Variants in HS3ST5 observed in about 807,000 individuals in gnomAD.
The protein encoded by HS3ST5 is heparan sulfate-glucosamine 3-sulfotransferase 5.
HS3ST5 carries 10 observed loss-of-function variants against 25.4 expected under a neutral mutation model. That is an observed-to-expected ratio of 0.39 (90% CI 0.24 to 0.67). The LOEUF (loss-of-function observed/expected upper bound fraction) is 0.67, where lower values mean the gene tolerates loss of function less well. Among genes scored for constraint, HS3ST5 ranks in the 30% least tolerant of loss-of-function variants. The pLI, the probability that HS3ST5 is intolerant of heterozygous loss-of-function variation, is 0.44. For missense variants in HS3ST5, 324 were observed against 420.7 expected (o/e 0.77, Z 2.01); for synonymous variants, 170 against 162.4 (o/e 1.05, Z -0.36).
At chr6:114,329,464 T>C (rs925048244) in intron 1 of HS3ST5, among the ~76,000 whole-genome samples, 6 of 152,190 alleles carry the variant, frequency 3.9e-5, no homozygotes, top group Admixed American at 1.3e-4. Context: ...GCATTGGGAC[T>C]GCCACAGAGG....
At chr6:114,177,384 A>G (rs1474290563) in intron 2 of HS3ST5, among the ~76,000 whole-genome samples, 1 of 152,210 alleles carries the variant, frequency 6.6e-6, no homozygotes, top group Non-Finnish European at 1.5e-5. Context: ...GTGTTCCTAA[A>G]GTCTTGACAT....
intron 1 of HS3ST5, among the ~76,000 whole-genome samples, chr6:114,229,112 A>G (rs1771448942): frequency 6.6e-6 from 1 of 152,174 alleles, no homozygotes; most frequent in Non-Finnish European, 1.5e-5. Flanking sequence ...TCTCTTGGAA[A>G]TATTTCTTTA....
intron 3 of HS3ST5, among the ~76,000 whole-genome samples, chr6:114,152,710 A>G (rs1027734826): frequency 1.3e-5 from 2 of 151,982 alleles, no homozygotes; most frequent in African/African-American, 4.8e-5. Context: ...GCCTGGACAC[A>G]TTTTCTCTTC....
intron 1 of HS3ST5, among the ~76,000 whole-genome samples, chr6:114,240,499 A>C (rs1414364739): frequency 2.0e-5 from 3 of 152,220 alleles, no homozygotes; most frequent in Admixed American, 1.3e-4. Flanking sequence ...TGGTGGAAAA[A>C]AAATATTATT....
intron 1 of HS3ST5, among the ~76,000 whole-genome samples, chr6:114,290,238 A>C (rs1774512467): frequency 6.6e-6 from 1 of 152,174 alleles, no homozygotes; most frequent in Non-Finnish European, 1.5e-5. Flanking sequence ...CACACTAAAC[A>C]CAGTATGAAT....
At chr6:114,070,855 T>C (rs1773778515) in intron 3 of HS3ST5, among the ~76,000 whole-genome samples, 1 of 152,250 alleles carries the variant, frequency 6.6e-6, no homozygotes, top group South Asian at 2.1e-4. Context: ...TGTGACTGCC[T>C]TAGTTCAGGC....
intron 1 of HS3ST5, among the ~76,000 whole-genome samples, chr6:114,279,959 G>A (rs6914825): frequency 0.03 from 4,519 of 152,018 alleles, 75 homozygotes; most frequent in Non-Finnish European, 0.046. Context: ...ATCAGAAATG[G>A]GCAGGTAATT....
chr6:114,313,087 C>T (rs1775604155), intron 1 of HS3ST5, among the ~76,000 whole-genome samples: 1 of 111,540 alleles, frequency 9.0e-6, no homozygotes, highest in African/African-American at 3.5e-5. Context: ...CCAATAAATG[C>T]ATGAAAACAT....
intron 1 of HS3ST5, among the ~76,000 whole-genome samples, chr6:114,289,908 A>G (rs543831699): frequency 3.3e-5 from 5 of 152,264 alleles, no homozygotes; most frequent in South Asian, 4.1e-4. Context: ...CAAATATCCA[A>G]TGGGTTATAT....
chr6:114,284,536 C>T (rs902187137), intron 1 of HS3ST5, among the ~76,000 whole-genome samples: 3 of 151,932 alleles, frequency 2.0e-5, no homozygotes, highest in African/African-American at 7.3e-5. Context: ...TGCATTGCCT[C>T]AACCACAACC....
intron 3 of HS3ST5, among the ~76,000 whole-genome samples, chr6:114,125,444 A>G (rs1776993260): frequency 6.6e-6 from 1 of 152,236 alleles, no homozygotes; most frequent in Non-Finnish European, 1.5e-5. Flanking sequence ...TCAGCAAAAG[A>G]GTCATTGAAT....
At chr6:114,080,387 C>T (rs1321367849) in intron 3 of HS3ST5, among the ~76,000 whole-genome samples, 3 of 152,186 alleles carry the variant, frequency 2.0e-5, no homozygotes, top group Admixed American at 2.0e-4. Context: ...AGAGACATCA[C>T]AGAACATAAA....
intron 1 of HS3ST5, among the ~76,000 whole-genome samples, chr6:114,326,533 A>G (rs572106629): frequency 6.6e-6 from 1 of 152,352 alleles, no homozygotes; most frequent in East Asian, 1.9e-4. Context: ...TTTATGAACT[A>G]GCACAGTAAT....
At chr6:114,297,026 C>T (rs1426813859) in intron 1 of HS3ST5, among the ~76,000 whole-genome samples, 2 of 152,068 alleles carry the variant, frequency 1.3e-5, no homozygotes, top group East Asian at 1.9e-4. Context: ...AAAATAAAAA[C>T]ACCGTTCTGG....
At chr6:114,283,057 G>A (rs994372819) in intron 1 of HS3ST5, among the ~76,000 whole-genome samples, 2 of 151,756 alleles carry the variant, frequency 1.3e-5, no homozygotes, top group African/African-American at 4.8e-5. Flanking sequence ...GATATTTTTT[G>A]TTGAAGCTAC....
chr6:114,320,920 A>C (rs565870534), intron 1 of HS3ST5, among the ~76,000 whole-genome samples: 3,426 of 112,642 alleles, frequency 0.03, 68 homozygotes, highest in Middle Eastern at 0.11. Context: ...CTCTCTATAT[A>C]TATATATATA....
intron 3 of HS3ST5, among the ~76,000 whole-genome samples, chr6:114,078,569 T>C (rs1774273877): frequency 6.6e-6 from 1 of 152,172 alleles, no homozygotes; most frequent in South Asian, 2.1e-4. Context: ...TTTAAACATT[T>C]TATTGGACTT....
At chr6:114,341,589 C>CCGCGCGCGCGCGCGCG (rs5879260) in intron 1 of HS3ST5, among the ~76,000 whole-genome samples, 1 of 145,888 alleles carries the variant, frequency 6.9e-6, no homozygotes, top group Non-Finnish European at 1.5e-5. Context: ...TGCATCCATC[C>CCGCGCGCGCGCGCGCG]CGCGCGCGCG....
chr6:114,240,916 C>G (rs773154292), intron 1 of HS3ST5, among the ~76,000 whole-genome samples: 12 of 152,084 alleles, frequency 7.9e-5, no homozygotes, highest in Non-Finnish European at 1.5e-4. Context: ...ATCCCTGGGA[C>G]CTGCCATTTT....
Sources: gnomAD v4.1 joint callset for allele counts (sites outside exome capture counted in the v4.1 genomes callset) on GRCh38, gnomAD v4.1.1 for gene constraint, MANE v1.5 for transcripts, NCBI Gene and HGNC (gene_info 2026-07-23, HGNC 2026-07-21) for gene names.